Variants in PCDHA2 observed in about 807,000 individuals in gnomAD.
PCDHA2 encodes the protein protocadherin alpha 2, also known as protocadherin alpha-2.
In PCDHA2, 58 loss-of-function variants were observed where a neutral mutation model predicts 66.0. The observed-to-expected ratio is 0.88, with a 90% CI of 0.71 to 1.09. The LOEUF (loss-of-function observed/expected upper bound fraction) is 1.09. Ranked by LOEUF, PCDHA2 falls within the 50% of genes least tolerant of loss-of-function variation. PCDHA2 has a pLI of 0.00. For synonymous variants in PCDHA2, 634 were observed against 554.0 expected, an observed-to-expected ratio of 1.14 and a Z score of -2.03; for missense variants, 1,267 against 1,242.3, an observed-to-expected ratio of 1.02 and a Z score of -0.30.
Position 140,929,131 on chromosome 5 carries a change from G to A in PCDHA2, c.2389-49818G>A, listed in dbSNP as rs782040825. ...ATCAGCCACCATAGATGTCACTACA[G>A]TTGAGAGACTTTCTCAGACTTATCT... On this transcript the variant is annotated intron_variant, in intron 1 of 3. Coordinates refer to ENST00000526136, the MANE Select transcript of PCDHA2 (RefSeq NM_018905.3). 5.0e-6 allele frequency: 8 copies of A among 1,614,036 alleles called. No homozygotes were observed. The East Asian group carries it at 6.7e-5, about 13-fold the overall frequency.
intron 1 of PCDHA2, among the ~76,000 whole-genome samples, chr5:140,953,652 G>A (rs2094921965): frequency 6.6e-6 from 1 of 152,102 alleles, no homozygotes; most frequent in South Asian, 2.1e-4. Context: ...AGCTATAGTT[G>A]TTATCTCTGG....
chr5:140,849,833 C>A, intron 1 of PCDHA2: 1 of 1,598,398 alleles, frequency 6.3e-7, no homozygotes, highest in South Asian at 1.1e-5. Context: ...TGGAGGTGGC[C>A]GACGTGAACG....
chr5:140,838,075 A>AGTGTGTGTGTG (rs781914509), intron 1 of PCDHA2, among the ~76,000 whole-genome samples: 2 of 128,240 alleles, frequency 1.6e-5, no homozygotes, highest in East Asian at 2.3e-4. Context: ...TTATATATAT[A>AGTGTGTGTGTG]TAGTGTGTGT....
chr5:140,926,682 C>T, intron 1 of PCDHA2: 1 of 656,722 alleles, frequency 1.5e-6, no homozygotes, highest in Non-Finnish European at 2.3e-6. Context: ...CAGCCTCCAG[C>T]CTAGCAAGCC....
At chr5:140,884,938 G>A (rs2060412389) in intron 1 of PCDHA2, among the ~76,000 whole-genome samples, 1 of 152,106 alleles carries the variant, frequency 6.6e-6, no homozygotes, top group African/African-American at 2.4e-5. Context: ...TCTTGCAATT[G>A]AGCATTTACA....
At chr5:140,980,515 A>G (rs779201653) in intron 2 of PCDHA2, among the ~76,000 whole-genome samples, 18 of 152,182 alleles carry the variant, frequency 1.2e-4, no homozygotes, top group Non-Finnish European at 2.5e-4. Flanking sequence ...CTGTAGTTCC[A>G]GCTACTAGGG....
intron 1 of PCDHA2, chr5:140,876,486 G>T (rs2153341413): frequency 6.2e-7 from 1 of 1,614,014 alleles, no homozygotes; most frequent in Non-Finnish European, 8.5e-7. Context: ...TGGTCCTGGT[G>T]GAAGTTCTGG....
chr5:140,837,856 T>A (rs1212589641), intron 1 of PCDHA2, among the ~76,000 whole-genome samples: 1 of 151,590 alleles, frequency 6.6e-6, no homozygotes, highest in African/African-American at 2.4e-5. Context: ...TTTATTTTAT[T>A]TTTGTAGAGA....
At chr5:140,805,101 CTA>C (rs782463521) in intron 1 of PCDHA2, 1 of 1,592,070 alleles carries the variant, frequency 6.3e-7, no homozygotes, top group South Asian at 1.1e-5. Flanking sequence ...CCTCTTGAAA[CTA>C]TTGTCTAACA....
chr5:140,833,822 T>C (rs1020023759), intron 1 of PCDHA2, among the ~76,000 whole-genome samples: 1 of 152,148 alleles, frequency 6.6e-6, no homozygotes, highest in Non-Finnish European at 1.5e-5. Context: ...CCTGGGTCCC[T>C]AAAAGAGTAC....
intron 1 of PCDHA2, among the ~76,000 whole-genome samples, chr5:140,844,545 C>G (rs979935361): frequency 6.7e-6 from 1 of 149,334 alleles, no homozygotes; most frequent in South Asian, 2.1e-4. Context: ...ACCCTTTGTT[C>G]ATGAGTTGGA....
chr5:140,961,027 C>G (rs1222428259), intron 1 of PCDHA2, among the ~76,000 whole-genome samples: 1 of 152,164 alleles, frequency 6.6e-6, no homozygotes, highest in Non-Finnish European at 1.5e-5. Flanking sequence ...CTTGCTACCT[C>G]CTTGTTTTGA....
intron 1 of PCDHA2, chr5:140,860,705 T>C (rs1444620274): frequency 6.6e-6 from 1 of 152,242 alleles, no homozygotes; most frequent in Non-Finnish European, 1.5e-5. Context: ...ATATTGTTGT[T>C]CTCCATGAAA....
intron 1 of PCDHA2, chr5:140,828,662 C>T: frequency 6.2e-7 from 1 of 1,614,124 alleles, no homozygotes; most frequent in Non-Finnish European, 8.5e-7. Flanking sequence ...TGACAATAAA[C>T]AAATTGGGCT....
intron 1 of PCDHA2, among the ~76,000 whole-genome samples, chr5:140,930,820 A>T (rs2153606213): frequency 6.6e-6 from 1 of 152,346 alleles, no homozygotes; most frequent in East Asian, 1.9e-4. Flanking sequence ...TGCTTAGTAA[A>T]TGCTGACTGA....
chr5:140,929,279 T>C (rs368682683), intron 1 of PCDHA2: 1 of 1,603,874 alleles, frequency 6.2e-7, no homozygotes, highest in Non-Finnish European at 8.5e-7. Context: ...ATATCCTGTA[T>C]TCAGATTCGG....
chr5:140,988,750 C>G (rs1282256432), intron 3 of PCDHA2, among the ~76,000 whole-genome samples: 1 of 152,074 alleles, frequency 6.6e-6, no homozygotes, highest in Non-Finnish European at 1.5e-5. Context: ...GATTGGTGGC[C>G]TGGGCAGAAT....
chr5:140,861,492 C>T (rs367687867), intron 1 of PCDHA2: 11 of 487,014 alleles, frequency 2.3e-5, no homozygotes, highest in Middle Eastern at 7.2e-4. Flanking sequence ...TGTGAGTTCT[C>T]TGATAGACCT....
intron 1 of PCDHA2, among the ~76,000 whole-genome samples, chr5:140,873,284 T>C (rs1554166661): frequency 1.3e-5 from 2 of 152,208 alleles, no homozygotes; most frequent in Non-Finnish European, 2.9e-5. Context: ...ATACCACTTA[T>C]GAAACTTTAT....
Sources: allele counts gnomAD v4.1 joint callset (sites outside exome capture counted in the v4.1 genomes callset), GRCh38; gene constraint gnomAD v4.1.1; transcripts MANE v1.5; gene names NCBI Gene and HGNC (gene_info 2026-07-23, HGNC 2026-07-21).